C8orf34: variants seen among roughly 807,000 people sequenced by gnomAD.
The protein encoded by C8orf34 is uncharacterized protein C8orf34.
Under a neutral mutation model 68.3 loss-of-function variants are expected in C8orf34, and 65 were observed. That is an observed-to-expected ratio of 0.95 (90% confidence interval 0.78 to 1.17). The LOEUF (loss-of-function observed/expected upper bound fraction) is 1.17, where lower values mean the gene tolerates loss of function less well. Ranked by LOEUF, C8orf34 falls within the 50% of genes most tolerant of loss-of-function variation. The probability of loss-of-function intolerance (pLI) is 0.00; values close to 1 mark genes in which losing one functional copy is unlikely to be tolerated. For synonymous variants in C8orf34, 244 were observed against 241.2 expected (o/e 1.01, Z -0.11); for missense variants, 664 against 655.4 (o/e 1.01, Z -0.14).
At chr8:68,410,902 A>C (rs551846805) in intron 1 of C8orf34, among the ~76,000 whole-genome samples, 1 of 152,286 alleles carries the variant, frequency 6.6e-6, no homozygotes, top group South Asian at 2.1e-4. Flanking sequence ...AATGAATAAC[A>C]CTGATGGCTT....
chr8:68,381,246 T>C (rs1008591557), intron 1 of C8orf34, among the ~76,000 whole-genome samples: 4 of 152,226 alleles, frequency 2.6e-5, no homozygotes, highest in African/African-American at 2.4e-5. Context: ...TCAAGTGCTC[T>C]ACTCTAAGTT....
chr8:68,661,816 T>C (rs1255972105), intron 8 of C8orf34, among the ~76,000 whole-genome samples: 1 of 152,096 alleles, frequency 6.6e-6, no homozygotes, highest in Non-Finnish European at 1.5e-5. Flanking sequence ...CTTTCCTTAC[T>C]GTCTGCCTAA....
chr8:68,669,293 G>A (rs1016665900), intron 8 of C8orf34, among the ~76,000 whole-genome samples: 4 of 152,076 alleles, frequency 2.6e-5, no homozygotes, highest in Admixed American at 6.6e-5. Context: ...GAGTATATGG[G>A]AAATCTCTGT....
chr8:68,349,895 A>AT (rs1311944507), intron 1 of C8orf34, among the ~76,000 whole-genome samples: 3 of 150,208 alleles, frequency 2.0e-5, no homozygotes, highest in African/African-American at 7.3e-5. Context: ...TATTTTATTA[A>AT]TTTTTTTCAA....
intron 7 of C8orf34, among the ~76,000 whole-genome samples, chr8:68,631,245 G>C (rs1818683361): frequency 6.6e-6 from 1 of 151,878 alleles, no homozygotes; most frequent in African/African-American, 2.4e-5. Flanking sequence ...CTGGGCAAGA[G>C]AGCAAGACTC....
intron 7 of C8orf34, among the ~76,000 whole-genome samples, chr8:68,566,129 T>C (rs77263351): frequency 1.3e-5 from 2 of 152,226 alleles, no homozygotes; most frequent in Non-Finnish European, 2.9e-5. Flanking sequence ...GTTGTGTTTT[T>C]AATTTTGGAT....
chr8:68,545,042 C>T (rs2129979237), intron 7 of C8orf34, among the ~76,000 whole-genome samples: 1 of 152,064 alleles, frequency 6.6e-6, no homozygotes, highest in East Asian at 1.9e-4. Context: ...CTGGATAAAA[C>T]AGGATCAGAA....
chr8:68,433,794 T>G (rs1810544909), intron 1 of C8orf34, among the ~76,000 whole-genome samples: 1 of 152,258 alleles, frequency 6.6e-6, no homozygotes. Flanking sequence ...ATTTCTACTG[T>G]TGCTTAATGA....
chr8:68,455,797 A>C (rs1309160431), intron 3 of C8orf34, among the ~76,000 whole-genome samples: 2 of 152,142 alleles, frequency 1.3e-5, no homozygotes, highest in Non-Finnish European at 2.9e-5. Flanking sequence ...TTTCTTAACT[A>C]AAATATTGCC....
At chr8:68,468,866 A>C (rs985574387) in intron 4 of C8orf34, 46 bp downstream of exon 4, 25 of 1,578,998 alleles carry the variant, frequency 1.6e-5, no homozygotes, top group Non-Finnish European at 2.1e-5. Flanking sequence ...AACCAATATT[A>C]AAGCCGAAGC....
chr8:68,377,768 A>G (rs774317018), intron 1 of C8orf34, among the ~76,000 whole-genome samples: 42 of 152,160 alleles, frequency 2.8e-4, no homozygotes, highest in South Asian at 4.1e-4. Flanking sequence ...TGCTATGAAA[A>G]CATATCCAAG....
At chr8:68,358,886 C>G (rs1468908100) in intron 1 of C8orf34, among the ~76,000 whole-genome samples, 17 of 151,940 alleles carry the variant, frequency 1.1e-4, no homozygotes, top group African/African-American at 4.1e-4. Context: ...TTAGGAGAGG[C>G]ACGGTTTCAC....
At chr8:68,761,703 C>T (rs976236172) in intron 10 of C8orf34, among the ~76,000 whole-genome samples, 1 of 152,208 alleles carries the variant, frequency 6.6e-6, no homozygotes, top group Non-Finnish European at 1.5e-5. Context: ...AGTTCACCCA[C>T]TAACAGCCTG....
At chr8:68,477,210 A>G (rs1218200866) in intron 4 of C8orf34, among the ~76,000 whole-genome samples, 5 of 152,238 alleles carry the variant, frequency 3.3e-5, no homozygotes, top group African/African-American at 1.2e-4. Context: ...GAATGAAGCT[A>G]GAAGTCTGGG....
At chr8:68,721,022 G>A (rs1168056189) in intron 9 of C8orf34, among the ~76,000 whole-genome samples, 1 of 151,846 alleles carries the variant, frequency 6.6e-6, no homozygotes, top group African/African-American at 2.4e-5. Context: ...AAATAATCAT[G>A]AAATTATAAA....
intron 4 of C8orf34, among the ~76,000 whole-genome samples, chr8:68,476,309 T>C (rs576892544): frequency 1.1e-4 from 17 of 152,140 alleles, no homozygotes; most frequent in Non-Finnish European, 1.8e-4. Context: ...TAGAAGAATC[T>C]CCAAAGGGGT....
In C8orf34 at chr8:68,802,242, A is replaced by G. The variant is rs545220083; in HGVS notation, c.1550-13644A>G. ...CAGCCTCCCGAGTAGCTGGGATTAC[A>G]GGCATGCACCACCATGCCTGGCTAA... On this transcript the variant is annotated intron_variant, in intron 12 of 13. Transcript: ENST00000518698. 4.2e-3 allele frequency among the ~76,000 whole-genome samples: 638 copies of G among 152,080 alleles called. 3 individuals are homozygous for G. The highest frequency in any genetic ancestry group is 7.0e-3 in the Non-Finnish European group (477 of 67,988).
intron 7 of C8orf34, among the ~76,000 whole-genome samples, chr8:68,599,153 A>T (rs552811622): frequency 6.6e-6 from 1 of 152,232 alleles, no homozygotes; most frequent in South Asian, 2.1e-4. Context: ...CATTAAAGAC[A>T]TAAAATACTT....
At chr8:68,409,255 T>C (rs1440590130) in intron 1 of C8orf34, among the ~76,000 whole-genome samples, 1 of 152,196 alleles carries the variant, frequency 6.6e-6, no homozygotes, top group African/African-American at 2.4e-5. Context: ...AAAACACTCT[T>C]AGGCAGGTCC....
Sources: allele counts gnomAD v4.1 joint callset (sites outside exome capture counted in the v4.1 genomes callset), GRCh38; gene constraint gnomAD v4.1.1; transcripts MANE v1.5; gene names NCBI Gene and HGNC (gene_info 2026-07-23, HGNC 2026-07-21).